Variants in CACNA1D observed in about 807,000 individuals in gnomAD.
The protein encoded by CACNA1D is calcium voltage-gated channel subunit alpha1 D.
CACNA1D carries 55 observed loss-of-function variants against 257.1 expected under a neutral mutation model. The observed-to-expected ratio is 0.21, with a 90% CI of 0.17 to 0.27. The LOEUF is 0.27. Among genes scored for constraint, CACNA1D ranks in the 10% least tolerant of loss-of-function variants. The probability of loss-of-function intolerance (pLI) is 1.00; values close to 1 mark genes in which losing one functional copy is unlikely to be tolerated. For synonymous variants in CACNA1D, 980 were observed against 1,014.9 expected (o/e 0.97, Z 0.65); for missense variants, 1,876 against 2,784.0 (o/e 0.67, Z 7.34).
intron 44 of CACNA1D, among the ~76,000 whole-genome samples, chr3:53,803,851 G>T (rs997305698): frequency 6.6e-6 from 1 of 152,216 alleles, no homozygotes; most frequent in African/African-American, 2.4e-5. Flanking sequence ...CTGCTTCGTG[G>T]CTGGGTTAAT....
intron 3 of CACNA1D, among the ~76,000 whole-genome samples, chr3:53,514,528 C>T (rs2091258726): frequency 6.6e-6 from 1 of 152,088 alleles, no homozygotes; most frequent in African/African-American, 2.4e-5. Context: ...GTGACTGGGT[C>T]AAGCCCTTTC....
intron 3 of CACNA1D, among the ~76,000 whole-genome samples, chr3:53,538,524 G>A (rs1402351259): frequency 2.6e-5 from 4 of 152,044 alleles, no homozygotes; most frequent in Non-Finnish European, 5.9e-5. Flanking sequence ...TTTGGTTTTT[G>A]TAATTTTTAA....
At chr3:53,743,185 AT>A (rs2095133946) in intron 22 of CACNA1D, 68 bp downstream of exon 22, 1 of 925,822 alleles carries the variant, frequency 1.1e-6, no homozygotes, top group Admixed American at 1.7e-5. Flanking sequence ...TTTTAACATA[AT>A]TGATAAAGGC....
Position 53,495,044 on chromosome 3 carries a change from A to T in CACNA1D, c.-123A>T. ...CCCGTCCCTCCCCACCCCCCTGCTG[A>T]AGCGAGAATAAGGGCAGGGACCGCG... is the stretch of plus-strand genomic sequence containing the variant. On this transcript the variant is annotated 5_prime_UTR_variant, in exon 1 of 48. Transcript: ENST00000350061. This position sits in a 1 kb window ranked among gnomAD's most constrained non-coding sequence, Gnocchi z 5.1. 4.1e-6 allele frequency: 2 copies of T among 484,790 alleles called. No individual in the cohort carries two copies. Among genetic ancestry groups the T allele is most frequent in the East Asian group, 5.9e-5 (1 of 16,834 alleles). The allele number at this position is 484,790 out of a possible 1,614,324, so 30.0% of individuals were successfully genotyped here.
At chr3:53,625,620 A>C (rs1470978305) in intron 3 of CACNA1D, among the ~76,000 whole-genome samples, 2 of 152,120 alleles carry the variant, frequency 1.3e-5, no homozygotes, top group African/African-American at 4.8e-5. Flanking sequence ...AATATAGTCA[A>C]CTTTTAGGGA....
chr3:53,543,599 T>C (rs1380150420), intron 3 of CACNA1D, among the ~76,000 whole-genome samples: 1 of 152,266 alleles, frequency 6.6e-6, no homozygotes, highest in Non-Finnish European at 1.5e-5. Flanking sequence ...TAACATTTAT[T>C]GATTGCTTAC....
chr3:53,710,455 G>A (rs558699701), intron 9 of CACNA1D: 6 of 456,716 alleles, frequency 1.3e-5, no homozygotes, highest in South Asian at 3.1e-5. Context: ...TGCTGCTTTC[G>A]GCAACGCAGG....
intron 3 of CACNA1D, among the ~76,000 whole-genome samples, chr3:53,582,222 AG>A (rs1460696089): frequency 6.6e-6 from 1 of 151,778 alleles, no homozygotes; most frequent in East Asian, 1.9e-4. Context: ...TGTCTTACTG[AG>A]CCAGTTGTTC....
intron 35 of CACNA1D, 133 bp downstream of exon 35, chr3:53,776,178 G>T: frequency 1.2e-6 from 1 of 833,180 alleles, no homozygotes; most frequent in Non-Finnish European, 2.0e-6. Context: ...ACTCCACTTG[G>T]CAGTTGAGGG....
At chr3:53,543,511 A>G (rs2092348928) in intron 3 of CACNA1D, among the ~76,000 whole-genome samples, 1 of 152,230 alleles carries the variant, frequency 6.6e-6, no homozygotes, top group Non-Finnish European at 1.5e-5. Flanking sequence ...GTCCTTGTGT[A>G]AGACACTCTG....
intron 3 of CACNA1D, among the ~76,000 whole-genome samples, chr3:53,630,876 A>G (rs1017831165): frequency 6.6e-6 from 1 of 152,238 alleles, no homozygotes; most frequent in Non-Finnish European, 1.5e-5. Flanking sequence ...CCCGGTGCAT[A>G]TGAAAGTTAT....
chr3:53,545,249 A>T (rs2092386708), intron 3 of CACNA1D, among the ~76,000 whole-genome samples: 1 of 152,198 alleles, frequency 6.6e-6, no homozygotes, highest in Non-Finnish European at 1.5e-5. Context: ...TACTTGCCAG[A>T]ATATTTTCTT....
intron 15 of CACNA1D, 54 bp from the exon 16 acceptor site, chr3:53,730,388 G>T (rs1197649224): frequency 3.3e-6 from 4 of 1,203,726 alleles, no homozygotes; most frequent in Non-Finnish European, 5.0e-6. Flanking sequence ...GCCATTGTTG[G>T]CCGCACGTAG....
At chr3:53,799,386 G>T (rs1048654174) in intron 40 of CACNA1D, among the ~76,000 whole-genome samples, 1 of 152,294 alleles carries the variant, frequency 6.6e-6, no homozygotes, top group Non-Finnish European at 1.5e-5. Flanking sequence ...CAATGGAAGG[G>T]CTTATCCTGG....
At chr3:53,525,685 G>A (rs1352417270) in intron 3 of CACNA1D, among the ~76,000 whole-genome samples, 1 of 152,088 alleles carries the variant, frequency 6.6e-6, no homozygotes, top group Non-Finnish European at 1.5e-5. Context: ...ATGTGCCAAG[G>A]ATCAGCCCAA....
At chr3:53,496,887 A>G (rs1043316354) in intron 1 of CACNA1D, among the ~76,000 whole-genome samples, 1 of 152,210 alleles carries the variant, frequency 6.6e-6, no homozygotes, top group African/African-American at 2.4e-5. Context: ...TTGTGAAGAC[A>G]TGATGTGAAG....
rs1369861048 is a variant in CACNA1D, at chr3:53,673,404, G to A, written c.1220+278G>A. Among the ~76,000 whole-genome samples the A allele has an allele frequency of 6.6e-6, 1 of 151,972 alleles. No individual in the cohort carries two copies. Among genetic ancestry groups the A allele is most frequent in the Non-Finnish European group, 1.5e-5 (1 of 67,980 alleles). On this transcript the variant is annotated intron_variant, in intron 8 of 47. Coordinates refer to ENST00000350061, the MANE Select transcript of CACNA1D (RefSeq NM_001128840.3). The surrounding 1 kb of genome is among the most constrained non-coding windows in gnomAD (Gnocchi z 4.1). ...TCCATAGCATGCCCTTTTTTTGTCTGTTCTAAAGTGAGATACATTTATAAT... is the reference window on the plus strand; with the variant it reads ...TCCATAGCATGCCCTTTTTTTGTCTATTCTAAAGTGAGATACATTTATAAT...
chr3:53,729,214 C>G (rs767333923), intron 15 of CACNA1D, among the ~76,000 whole-genome samples: 1 of 152,222 alleles, frequency 6.6e-6, no homozygotes, highest in African/African-American at 2.4e-5. Context: ...AATAGGCCAG[C>G]ATGTCAAAGG....
intron 20 of CACNA1D, among the ~76,000 whole-genome samples, chr3:53,736,301 A>G (rs959883679): frequency 1.3e-5 from 2 of 152,078 alleles, no homozygotes. Context: ...TGTTTGCACC[A>G]CTGCACTCCA....
Sources: gnomAD v4.1 joint callset for allele counts (sites outside exome capture counted in the v4.1 genomes callset) on GRCh38, gnomAD v4.1.1 for gene constraint, Gnocchi (gnomAD v3.1) non-coding constraint, MANE v1.5 for transcripts, NCBI Gene and HGNC (gene_info 2026-07-23, HGNC 2026-07-21) for gene names.